RIMBP2: variants seen among roughly 807,000 people sequenced by gnomAD.
RIMBP2 encodes the protein RIMS-binding protein 2.
Under a neutral mutation model 118.6 loss-of-function variants are expected in RIMBP2, and 48 were observed. The observed-to-expected ratio is 0.40, with a 90% CI of 0.32 to 0.51. The LOEUF is 0.51. Among genes scored for constraint, RIMBP2 ranks in the 20% least tolerant of loss-of-function variants. RIMBP2 has a pLI of 0.41. For missense variants in RIMBP2, 1,551 were observed against 1,768.3 expected (o/e 0.88, Z 2.20); for synonymous variants, 762 against 742.9 (o/e 1.03, Z -0.42).
At chr12:130,591,851 A>T (rs181522588) in intron 2 of RIMBP2, among the ~76,000 whole-genome samples, 3 of 152,334 alleles carry the variant, frequency 2.0e-5, no homozygotes, top group Admixed American at 2.0e-4. Flanking sequence ...CCAACCCCAG[A>T]TAGAGACACT....
intron 21 of RIMBP2, among the ~76,000 whole-genome samples, chr12:130,404,894 TA>T (rs1190116577): frequency 6.6e-6 from 1 of 152,160 alleles, no homozygotes; most frequent in African/African-American, 2.4e-5. Context: ...CTCTAAGTAT[TA>T]AATTCCTATT....
At chr12:130,502,287 G>A (rs987546028) in intron 4 of RIMBP2, among the ~76,000 whole-genome samples, 21 of 152,308 alleles carry the variant, frequency 1.4e-4, no homozygotes, top group Non-Finnish European at 2.5e-4. Flanking sequence ...ACCGCTTCAA[G>A]CCCCAGGCTT....
chr12:130,651,872 A>G (rs916947415), intron 1 of RIMBP2, among the ~76,000 whole-genome samples: 2 of 149,446 alleles, frequency 1.3e-5, no homozygotes, highest in African/African-American at 4.9e-5. Flanking sequence ...GCTTTTGGAA[A>G]GCTTTTTGAT....
At chr12:130,528,209 T>C (rs894760149) in intron 2 of RIMBP2, among the ~76,000 whole-genome samples, 4 of 152,138 alleles carry the variant, frequency 2.6e-5, no homozygotes, top group Non-Finnish European at 5.9e-5. Context: ...TGCCCATCAG[T>C]GATAGACTTG....
chr12:130,513,376 C>T (rs2051116654), intron 3 of RIMBP2, among the ~76,000 whole-genome samples: 1 of 152,160 alleles, frequency 6.6e-6, no homozygotes, highest in African/African-American at 2.4e-5. Flanking sequence ...GGACTCATTT[C>T]TGTTTCAAAA....
At position 130,487,992 on chromosome 12, in the gene RIMBP2, G is replaced by C. The variant is rs560078920; in HGVS notation, c.-3-8976C>G. 3.9e-5 allele frequency among the ~76,000 whole-genome samples: 6 copies of C among 152,306 alleles called. No individual in the cohort carries two copies. The South Asian group carries it at 1.2e-3, about 32-fold the overall frequency. ...AATTCTCACTTTCTCAACTGGACTA[G>C]AAATGGCTCCATTTCCGTGTGTGCA... On this transcript the variant is annotated intron_variant, in intron 4 of 22. Coordinates refer to ENST00000690449, the MANE Select transcript of RIMBP2 (RefSeq NM_001393629.1).
chr12:130,409,332 CTTTTTTTTT>C (rs35015661), intron 19 of RIMBP2, among the ~76,000 whole-genome samples: 5 of 65,384 alleles, frequency 7.6e-5, no homozygotes, highest in Non-Finnish European at 1.2e-4. Flanking sequence ...CAAAATGTAG[CTTTTTTTTT>C]TTTTTTTTTT....
At chr12:130,399,081 G>GTATC in intron 22 of RIMBP2, 1 of 1,242,074 alleles carries the variant, frequency 8.1e-7, no homozygotes, top group Non-Finnish European at 1.1e-6. Flanking sequence ...GCTTAAGTTG[G>GTATC]TATCTTTATC....
intron 4 of RIMBP2, among the ~76,000 whole-genome samples, chr12:130,500,661 G>A (rs2138669234): frequency 6.6e-6 from 1 of 152,206 alleles, no homozygotes; most frequent in East Asian, 1.9e-4. Flanking sequence ...GTTCAGACAG[G>A]CCCTGAATGC....
chr12:130,596,464 T>G (rs2059569166), intron 2 of RIMBP2, among the ~76,000 whole-genome samples: 1 of 149,732 alleles, frequency 6.7e-6, no homozygotes, highest in Non-Finnish European at 1.5e-5. Flanking sequence ...AAAACCAGGA[T>G]GTGAACTCTG....
chr12:130,677,208 C>T (rs937731538), intron 1 of RIMBP2, among the ~76,000 whole-genome samples: 1 of 152,096 alleles, frequency 6.6e-6, no homozygotes, highest in Non-Finnish European at 1.5e-5. Context: ...ATGGCAGCCC[C>T]CTACAAATGG....
intron 15 of RIMBP2, chr12:130,427,574 T>G (rs945911145): frequency 6.6e-6 from 1 of 152,320 alleles, no homozygotes; most frequent in Non-Finnish European, 1.5e-5. Context: ...TAACTGCCCG[T>G]CGACCCCTTG....
chr12:130,664,391 ACACACACG>A (rs1268193541), intron 1 of RIMBP2, among the ~76,000 whole-genome samples: 5 of 116,436 alleles, frequency 4.3e-5, no homozygotes, highest in Non-Finnish European at 1.9e-5. Flanking sequence ...ACGCGCATGC[ACACACACG>A]CACGCACGCA....
chr12:130,480,407 G>A (rs1352722632), intron 4 of RIMBP2, among the ~76,000 whole-genome samples: 1 of 152,204 alleles, frequency 6.6e-6, no homozygotes, highest in Non-Finnish European at 1.5e-5. Context: ...GGCCCCACGG[G>A]CCTGCCCCCC....
chr12:130,490,828 A>G (rs992234915), intron 4 of RIMBP2, among the ~76,000 whole-genome samples: 50 of 152,216 alleles, frequency 3.3e-4, no homozygotes, highest in Non-Finnish European at 3.5e-4. Context: ...CAGGACTAAA[A>G]GAGAGGCCAA....
intron 1 of RIMBP2, among the ~76,000 whole-genome samples, chr12:130,676,853 G>A (rs1248101849): frequency 1.3e-5 from 2 of 152,276 alleles, no homozygotes; most frequent in South Asian, 2.1e-4. Flanking sequence ...GGGGCTGCTG[G>A]GGTCAGGGTG....
chr12:130,600,696 T>C (rs1213669926), intron 2 of RIMBP2, among the ~76,000 whole-genome samples: 1 of 152,148 alleles, frequency 6.6e-6, no homozygotes, highest in African/African-American at 2.4e-5. Flanking sequence ...ACTTCTCCCC[T>C]ACACAAAAAC....
chr12:130,631,066 G>C (rs1418942735), intron 1 of RIMBP2, among the ~76,000 whole-genome samples: 2 of 152,132 alleles, frequency 1.3e-5, no homozygotes, highest in African/African-American at 4.8e-5. Flanking sequence ...GCTCTCAAGA[G>C]CAATGGGTTT....
intron 1 of RIMBP2, chr12:130,658,895 C>T (rs2063537366): frequency 6.6e-6 from 1 of 152,278 alleles, no homozygotes; most frequent in Non-Finnish European, 1.5e-5. Flanking sequence ...CTGAAACTCT[C>T]GGCTCTAAAC....
Sources: gnomAD v4.1 joint callset for allele counts (sites outside exome capture counted in the v4.1 genomes callset) on GRCh38, gnomAD v4.1.1 for gene constraint, MANE v1.5 for transcripts, NCBI Gene and HGNC (gene_info 2026-07-23, HGNC 2026-07-21) for gene names.